CXADR: variants seen among roughly 807,000 people sequenced by gnomAD.
The protein encoded by CXADR is coxsackievirus and adenovirus receptor.
Under a neutral mutation model 40.3 loss-of-function variants are expected in CXADR, and 20 were observed. The observed-to-expected ratio is 0.50, with a 90% CI of 0.35 to 0.72. The LOEUF is 0.72. Ranked by LOEUF, CXADR falls within the 30% of genes least tolerant of loss-of-function variation. The probability of loss-of-function intolerance (pLI) is 0.01; values close to 1 mark genes in which losing one functional copy is unlikely to be tolerated. For missense variants in CXADR, 332 were observed against 449.1 expected, an observed-to-expected ratio of 0.74 and a Z score of 2.36; for synonymous variants, 150 against 161.3, an observed-to-expected ratio of 0.93 and a Z score of 0.53.
At chr21:17,586,062 G>A (rs117116574) in intron 7 of CXADR, among the ~76,000 whole-genome samples, 2,266 of 152,128 alleles carry the variant, frequency 0.015, 28 homozygotes, top group Non-Finnish European at 0.025. Flanking sequence ...GAAATCTGAT[G>A]CCCTCTTGTG....
chr21:17,572,907 CAA>C (rs1394883029), downstream of CXADR, among the ~76,000 whole-genome samples: 4 of 152,188 alleles, frequency 2.6e-5, no homozygotes, highest in African/African-American at 7.2e-5. Flanking sequence ...AGTATTCCGT[CAA>C]AGTCTTTTTA....
chr21:17,614,099 T>C, the CXADR span: 1 of 7,624 alleles, frequency 1.3e-4, no homozygotes, highest in Admixed American at 2.3e-3. Flanking sequence ...TAAACTTTAT[T>C]TGTAAAAAAA....
In CXADR at chr21:17,522,375, C is replaced by T. The variant is rs112109922; in HGVS notation, c.43+9203C>T. ...GTTAGTCAGGCTGGTTGTGAACTCC[C>T]GACCTCAGGTGATCCGCCCGCCTCG... On this transcript the variant is annotated intron_variant, in intron 1 of 6. Transcript: ENST00000284878. 2.1e-3 allele frequency among the ~76,000 whole-genome samples: 317 copies of T among 152,046 alleles called. 2 individuals carry two copies. Among genetic ancestry groups the T allele is most frequent in the African/African-American group, 7.0e-3 (289 of 41,494 alleles).
intron 1 of CXADR, among the ~76,000 whole-genome samples, chr21:17,516,664 T>C (rs1316107602): frequency 6.6e-6 from 1 of 152,168 alleles, no homozygotes; most frequent in African/African-American, 2.4e-5. Context: ...GTGTCAAGAA[T>C]GGGGATCCTG....
chr21:17,575,484 A>G (rs2061314821), intron 7 of CXADR, among the ~76,000 whole-genome samples: 1 of 102,956 alleles, frequency 9.7e-6, no homozygotes. Flanking sequence ...CCTGTCCTCA[A>G]TTGTAAAATT....
chr21:17,594,422 C>A, downstream of CXADR: 1 of 1,429,870 alleles, frequency 7.0e-7, no homozygotes, highest in East Asian at 2.3e-5. Context: ...CAAAGTTACC[C>A]ACAACACTGA....
At chr21:17,570,225 G>A (rs1313588648), downstream of CXADR, 3 of 973,128 alleles carry the variant, frequency 3.1e-6, no homozygotes, top group African/African-American at 1.8e-5. Flanking sequence ...TAAACAGAAA[G>A]AATAAAGATT....
At chr21:17,630,647 C>CTTTTTTTTTTT in the CXADR span, among the ~76,000 whole-genome samples, 1 of 30,284 alleles carries the variant, frequency 3.3e-5, no homozygotes, top group East Asian at 9.9e-4. Context: ...CTTCTTCCTT[C>CTTTTTTTTTTT]TTCTTTTTTT....
intron 7 of CXADR, among the ~76,000 whole-genome samples, chr21:17,578,445 C>T (rs949163177): frequency 6.6e-6 from 1 of 152,220 alleles, no homozygotes; most frequent in Non-Finnish European, 1.5e-5. Context: ...CACGCAGGAA[C>T]TAAGAAAACC....
At chr21:17,599,987 GCTTA>G in the CXADR span, among the ~76,000 whole-genome samples, 6 of 152,058 alleles carry the variant, frequency 3.9e-5, no homozygotes, top group African/African-American at 9.7e-5. Context: ...AAATTATATT[GCTTA>G]CTTCAGAGTT....
In CXADR at chr21:17,567,949, C is replaced by T. The variant is rs1369479091; in HGVS notation, c.*2257C>T. 1.9e-5 allele frequency: 19 copies of T among 983,486 alleles called. No homozygotes were observed. Among genetic ancestry groups the T allele is most frequent in the African/African-American group, 5.3e-5 (3 of 56,958 alleles). 60.9% of individuals were successfully genotyped at this position (983,486 alleles called of 1,614,324 possible). ...AGGACATTGTTTTAAAGGCTTATGT[C>T]TCACTGTAAAATTCTGTCAGCCAAA... On this transcript the variant is annotated 3_prime_UTR_variant, in exon 7 of 7. Transcript: ENST00000284878.
chr21:17,518,282 A>G (rs752849515), intron 1 of CXADR, among the ~76,000 whole-genome samples: 4 of 152,218 alleles, frequency 2.6e-5, no homozygotes, highest in Non-Finnish European at 4.4e-5. Flanking sequence ...CAAAAAAACC[A>G]GGAATCAAAA....
the CXADR span, among the ~76,000 whole-genome samples, chr21:17,615,391 G>A: frequency 5.3e-4 from 81 of 152,296 alleles, 1 homozygote; most frequent in East Asian, 0.015. Flanking sequence ...AATAATTACA[G>A]TAGTTCCCCC....
Position 17,566,977 on chromosome 21 carries a change from G to A in CXADR, c.*1285G>A. The A allele has an allele frequency of 1.0e-6, 1 of 973,688 alleles. No individual in the cohort carries two copies. The highest frequency in any genetic ancestry group is 1.8e-5 in the African/African-American group (1 of 57,086). The allele number at this position is 973,688 out of a possible 1,614,324, so 60.3% of individuals were successfully genotyped here. On this transcript the variant is annotated 3_prime_UTR_variant, in exon 7 of 7. Coordinates refer to ENST00000284878, the MANE Select transcript of CXADR (RefSeq NM_001338.5). ...AAAAAAAGAAAGAAAAAGAAAAAAA[G>A]ATAAGAAGGAGGAGTAAAGGGACTA...
chr21:17,558,462 G>A (rs138326342), intron 3 of CXADR, among the ~76,000 whole-genome samples: 102 of 152,246 alleles, frequency 6.7e-4, no homozygotes, highest in African/African-American at 2.4e-3. Flanking sequence ...ATGGATTTGA[G>A]GTGATGTAAA....
At chr21:17,590,740 A>G (rs143130541) in intron 7 of CXADR, among the ~76,000 whole-genome samples, 151 of 152,096 alleles carry the variant, frequency 9.9e-4, no homozygotes, top group Non-Finnish European at 1.6e-3. Context: ...CAAGTAACTG[A>G]TAAGTAAGAA....
chr21:17,587,730 C>G (rs930442489), intron 7 of CXADR, among the ~76,000 whole-genome samples: 5 of 151,986 alleles, frequency 3.3e-5, no homozygotes, highest in African/African-American at 1.2e-4. Flanking sequence ...TGCAGAAGCT[C>G]TTTAGTTTAA....
chr21:17,534,019 T>TATATATACAC, intron 1 of CXADR, among the ~76,000 whole-genome samples: 1 of 81,392 alleles, frequency 1.2e-5, no homozygotes, highest in East Asian at 3.8e-4. Flanking sequence ...TATATATATA[T>TATATATACAC]ATATATATAG....
chr21:17,570,396 A>G (rs2061268248), downstream of CXADR, among the ~76,000 whole-genome samples: 1 of 152,214 alleles, frequency 6.6e-6, no homozygotes, highest in Admixed American at 6.5e-5. Context: ...AACATTTTTC[A>G]GATACATTGC....
Sources: allele counts gnomAD v4.1 joint callset (sites outside exome capture counted in the v4.1 genomes callset), GRCh38; gene constraint gnomAD v4.1.1; transcripts MANE v1.5; gene names NCBI Gene and HGNC (gene_info 2026-07-23, HGNC 2026-07-21).